CCDC171: variants seen among roughly 807,000 people sequenced by gnomAD.
CCDC171 encodes coiled-coil domain containing 171.
CCDC171 carries 177 observed loss-of-function variants against 168.2 expected under a neutral mutation model. The observed-to-expected ratio is 1.05, with a 90% CI of 0.93 to 1.19. CCDC171 has a LOEUF of 1.19. CCDC171 is among the 50% of genes most tolerant of loss of function. The pLI is 0.00. For synonymous variants in CCDC171, 687 were observed against 540.8 expected (o/e 1.27, Z -3.75); for missense variants, 1,991 against 1,539.0 (o/e 1.29, Z -4.91).
chr9:15,930,727 GAA>G (rs1334481204), intron 25 of CCDC171, among the ~76,000 whole-genome samples: 7 of 151,588 alleles, frequency 4.6e-5, no homozygotes, highest in African/African-American at 1.7e-4. Context: ...GTGTTTCCTT[GAA>G]GTCTTCCCTC....
chr9:15,844,585 A>G (rs960447344), intron 21 of CCDC171, among the ~76,000 whole-genome samples: 5 of 152,104 alleles, frequency 3.3e-5, no homozygotes, highest in African/African-American at 1.2e-4. Flanking sequence ...CAAAAAAACT[A>G]TATTTTTGTT....
chr9:15,982,987 G>T (rs1011414720), intron 3 of CCDC171, among the ~76,000 whole-genome samples: 1 of 152,064 alleles, frequency 6.6e-6, no homozygotes, highest in Admixed American at 6.5e-5. Flanking sequence ...TCTCTTAAAG[G>T]TCACTTCCTA....
At chr9:15,904,452 C>A (rs2131689379) in intron 24 of CCDC171, among the ~76,000 whole-genome samples, 1 of 151,946 alleles carries the variant, frequency 6.6e-6, no homozygotes, top group East Asian at 1.9e-4. Context: ...AAATAAAATC[C>A]TTTACACACA....
intron 23 of CCDC171, among the ~76,000 whole-genome samples, chr9:15,865,127 A>T (rs910212404): frequency 2.0e-5 from 3 of 152,148 alleles, no homozygotes; most frequent in Non-Finnish European, 4.4e-5. Context: ...AATTTATCGG[A>T]CTGAAATGAC....
intron 2 of CCDC171, among the ~76,000 whole-genome samples, chr9:15,567,553 A>T (rs1323764011): frequency 6.6e-6 from 1 of 152,150 alleles, no homozygotes; most frequent in African/African-American, 2.4e-5. Context: ...AATAATATTG[A>T]GTTTTCCTTA....
At chr9:15,723,954 A>C (rs1447942414) in intron 13 of CCDC171, among the ~76,000 whole-genome samples, 1 of 152,166 alleles carries the variant, frequency 6.6e-6, no homozygotes, top group Non-Finnish European at 1.5e-5. Flanking sequence ...ATTGGAAATT[A>C]TTTTGGTTAA....
chr9:15,936,641 C>A (rs147857223), intron 25 of CCDC171, among the ~76,000 whole-genome samples: 1 of 152,004 alleles, frequency 6.6e-6, no homozygotes, highest in Non-Finnish European at 1.5e-5. Context: ...ACTGCCTCCC[C>A]ACCTCCCCTT....
rs138181472 is a variant in CCDC171, at chr9:16,006,016, C to T, written n.369-14573C>T. On this transcript the variant is annotated intron_variant and non_coding_transcript_variant, in intron 3 of 9. Transcript: ENST00000486641. ...CTGGGACTACAGGCATGCACCACTA[C>T]GCCTGGCTAATTTTTTTGTATTTTT... 4.6e-5 allele frequency among the ~76,000 whole-genome samples: 7 copies of T among 151,930 alleles called. No homozygotes were observed. In the East Asian group the frequency reaches 5.8e-4, roughly 13 times the overall value.
At chr9:15,874,706 A>G in intron 24 of CCDC171, 43 bp downstream of exon 24, 1 of 1,471,906 alleles carries the variant, frequency 6.8e-7, no homozygotes, top group South Asian at 1.4e-5. Context: ...GACATATAGA[A>G]AAATAAATTG....
intron 6 of CCDC171, among the ~76,000 whole-genome samples, chr9:15,615,418 A>T (rs1017040301): frequency 6.6e-6 from 1 of 152,206 alleles, no homozygotes; most frequent in African/African-American, 2.4e-5. Context: ...ATTCATATCC[A>T]AGAATACAAT....
chr9:16,027,762 C>T (rs531504038), intron 6 of CCDC171, among the ~76,000 whole-genome samples: 7 of 152,248 alleles, frequency 4.6e-5, no homozygotes, highest in Non-Finnish European at 8.8e-5. Context: ...CGAACAGGGA[C>T]GGCAGCCCTG....
At chr9:15,845,223 T>C (rs747900638) in intron 21 of CCDC171, among the ~76,000 whole-genome samples, 6 of 152,096 alleles carry the variant, frequency 3.9e-5, no homozygotes, top group Non-Finnish European at 7.4e-5. Context: ...TTTAGCGTGG[T>C]TTTAAAAATT....
intron 25 of CCDC171, among the ~76,000 whole-genome samples, chr9:15,930,087 A>G (rs919539593): frequency 6.6e-6 from 1 of 151,778 alleles, no homozygotes; most frequent in Admixed American, 6.6e-5. Flanking sequence ...TCTTAGTCAT[A>G]TTTATAATCC....
chr9:15,757,802 G>A (rs745421894), intron 18 of CCDC171, among the ~76,000 whole-genome samples: 6 of 152,202 alleles, frequency 3.9e-5, no homozygotes, highest in Non-Finnish European at 7.3e-5. Context: ...GCTGAAAGGG[G>A]CCAACGTAGA....
At chr9:15,604,562 C>G (rs1238651329) in intron 6 of CCDC171, among the ~76,000 whole-genome samples, 4 of 152,080 alleles carry the variant, frequency 2.6e-5, no homozygotes, top group Admixed American at 6.5e-5. Context: ...GTGTATGTGT[C>G]TAGTGATTGA....
chr9:15,739,561 G>C (rs1588220409), intron 16 of CCDC171, among the ~76,000 whole-genome samples: 1 of 151,944 alleles, frequency 6.6e-6, no homozygotes, highest in African/African-American at 2.4e-5. Flanking sequence ...TCAGTATAAG[G>C]ATTTAAAAAA....
chr9:15,604,095 GTT>G (rs35687141), intron 6 of CCDC171, among the ~76,000 whole-genome samples: 1 of 145,790 alleles, frequency 6.9e-6, no homozygotes, highest in Non-Finnish European at 1.5e-5. Context: ...CTTTTTGATG[GTT>G]TTTTTTTTTC....
the CCDC171 span, among the ~76,000 whole-genome samples, chr9:16,071,024 C>T: frequency 6.6e-6 from 1 of 152,172 alleles, no homozygotes; most frequent in Non-Finnish European, 1.5e-5. Flanking sequence ...ATTTTTGGGA[C>T]AAGGAATTTC....
intron 17 of CCDC171, 31 bp downstream of exon 17, chr9:15,744,808 G>T: frequency 6.3e-7 from 1 of 1,592,182 alleles, no homozygotes; most frequent in Non-Finnish European, 8.5e-7. Context: ...AAAAATATAA[G>T]TTGCATGTAA....
Sources: allele counts gnomAD v4.1 joint callset (sites outside exome capture counted in the v4.1 genomes callset), GRCh38; gene constraint gnomAD v4.1.1; transcripts MANE v1.5; gene names NCBI Gene and HGNC (gene_info 2026-07-23, HGNC 2026-07-21).